The following DNMT3A variants were observed in gnomAD, a reference collection of about 807,000 sequenced individuals.
DNMT3A encodes the protein DNA (cytosine-5)-methyltransferase 3A.
DNMT3A carries 267 observed loss-of-function variants against 117.6 expected under a neutral mutation model. That is an observed-to-expected ratio of 2.27 (90% CI 2.05 to 2.51). The LOEUF (loss-of-function observed/expected upper bound fraction) is 2.51, where lower values mean the gene tolerates loss of function less well. Ranked by LOEUF, DNMT3A falls within the 30% of genes most tolerant of loss-of-function variation. The pLI is 0.00. For missense variants in DNMT3A, 1,029 were observed against 1,260.2 expected (o/e 0.82, Z 2.78); for synonymous variants, 432 against 474.8 (o/e 0.91, Z 1.17).
Position 25,337,395 on chromosome 2 carries a change from G to T in DNMT3A, c.-178+4431C>A, listed in dbSNP as rs563727664. On this transcript the variant is annotated intron_variant, in intron 1 of 22. Coordinates refer to ENST00000321117, the MANE Select transcript of DNMT3A (RefSeq NM_022552.5). This position sits in a 1 kb window ranked among gnomAD's most constrained non-coding sequence, Gnocchi z 5.0. ...AGACACAGCTAACAGGAGGGCTCCC[G>T]CTCCTCTAAGGCTGTAACGCACATG... 6.6e-6 allele frequency among the ~76,000 whole-genome samples: 1 copy of T among 152,168 alleles called. No individual in the cohort carries two copies. Among genetic ancestry groups the T allele is most frequent in the South Asian group, 2.1e-4 (1 of 4,834 alleles).
chr2:25,269,714 C>G (rs529152037), intron 6 of DNMT3A, among the ~76,000 whole-genome samples: 2 of 152,264 alleles, frequency 1.3e-5, no homozygotes, highest in South Asian at 4.1e-4. Flanking sequence ...GACTAGTAAG[C>G]AGGTGAAGGA....
chr2:25,246,065 C>CG lies in DNMT3A; in HGVS notation c.1430-2_1430-1insC. On this transcript the variant is annotated splice_acceptor_variant, in intron 11 of 22. Coordinates refer to ENST00000321117, the MANE Select transcript of DNMT3A (RefSeq NM_022552.5). LOFTEE classifies it high-confidence loss of function. Reference sequence around the variant, plus strand: ...TGCCGCACCTCGTACACCAGCCGCTCTGCAAGGGGAGGAGAGCTGGCGTCA... The same window carrying CG: ...TGCCGCACCTCGTACACCAGCCGCTCGTGCAAGGGGAGGAGAGCTGGCGTCA... 6.2e-7 allele frequency: 1 copy of CG among 1,614,208 alleles called. No homozygotes were observed. Among genetic ancestry groups the CG allele is most frequent in the Non-Finnish European group, 8.5e-7 (1 of 1,180,030 alleles).
At chr2:25,284,395 C>T (rs1227277330) in intron 3 of DNMT3A, among the ~76,000 whole-genome samples, 1 of 151,992 alleles carries the variant, frequency 6.6e-6, no homozygotes, top group African/African-American at 2.4e-5. Context: ...GCCTATAATC[C>T]TAGCACTTTG....
At chr2:25,308,205 T>C (rs2033888038) in intron 2 of DNMT3A, among the ~76,000 whole-genome samples, 1 of 152,034 alleles carries the variant, frequency 6.6e-6, no homozygotes, top group Admixed American at 6.6e-5. Flanking sequence ...GGTGGATGGG[T>C]AGGTAGATAT....
At position 25,231,461 on chromosome 2, in the gene DNMT3A, T is replaced by C. The variant is rs964484423; in HGVS notation, c.*2818A>G. ...CAGGACCAAGCACCCCAAAAAGGGGTGAGACCGGCCACCAGCTGTGTGAAT... is the reference window on the plus strand; with the variant it reads ...CAGGACCAAGCACCCCAAAAAGGGGCGAGACCGGCCACCAGCTGTGTGAAT... On this transcript the variant is annotated 3_prime_UTR_variant, in exon 23 of 23. Transcript: ENST00000321117. 2 of 152,112 alleles carry C rather than the reference T, an allele frequency of 1.3e-5. No homozygotes were observed. Among genetic ancestry groups the C allele is most frequent in the African/African-American group, 4.8e-5 (2 of 41,400 alleles). 9.4% of individuals were successfully genotyped at this position (152,112 alleles called of 1,614,324 possible).
In DNMT3A at chr2:25,337,304, T is replaced by A. The variant is rs1007385413; in HGVS notation, c.-178+4522A>T. On this transcript the variant is annotated intron_variant, in intron 1 of 22. Transcript: ENST00000321117. The surrounding 1 kb of genome is among the most constrained non-coding windows in gnomAD (Gnocchi z 5.0). Reference sequence around the variant, plus strand: ...AGATTCTGCAAAAGACACAGGAAGGTGGACGAGGCTTCTTAGAGCACTTCC... The same window carrying A: ...AGATTCTGCAAAAGACACAGGAAGGAGGACGAGGCTTCTTAGAGCACTTCC... Among the ~76,000 whole-genome samples, 23 of 152,166 alleles carry A rather than the reference T, an allele frequency of 1.5e-4. No individual in the cohort carries two copies. The highest frequency in any genetic ancestry group is 2.0e-4 in the Admixed American group (3 of 15,284).
intron 1 of DNMT3A, among the ~76,000 whole-genome samples, chr2:25,320,191 G>A (rs2034539835): frequency 6.6e-6 from 1 of 152,212 alleles, no homozygotes; most frequent in Non-Finnish European, 1.5e-5. Context: ...GAAAGTAATG[G>A]GAATTCCAAA....
In DNMT3A at chr2:25,300,184, C is replaced by T. The variant is rs759593211; in HGVS notation, c.132G>A (p.Thr44=). The stretch of plus-strand genomic sequence containing the variant: ...TCCCAGGCCGCCCCACCTTCCGTGC[C>T]GTGGTGCTGGGCTCTTGGCGCTCCT... ...GKEERQEPST[T]ARKVGRPGRK... Residue 44 remains threonine (T), a synonymous_variant, in exon 3 of 23, where the codon ACG becomes ACA. Coordinates refer to ENST00000321117, the MANE Select transcript of DNMT3A (RefSeq NM_022552.5). 8.7e-6 allele frequency: 14 copies of T among 1,612,816 alleles called. No individual in the cohort carries two copies. Among genetic ancestry groups the T allele is most frequent in the South Asian group, 3.3e-5 (3 of 91,078 alleles).
In DNMT3A at chr2:25,237,052, C is replaced by G; in HGVS notation, c.2409-47G>C. Reference sequence around the variant, plus strand: ...GTAACAACAGAAACCTGGATAACAGCGGGAAGGGCCCCAGCTGCACGACTC... The same window carrying G: ...GTAACAACAGAAACCTGGATAACAGGGGGAAGGGCCCCAGCTGCACGACTC... On this transcript the variant is annotated intron_variant, in intron 20 of 22. Coordinates refer to ENST00000321117, the MANE Select transcript of DNMT3A (RefSeq NM_022552.5). The surrounding 1 kb of genome is among the most constrained non-coding windows in gnomAD (Gnocchi z 5.4). 6 of 1,596,666 alleles carry G rather than the reference C, an allele frequency of 3.8e-6. No individual in the cohort carries two copies. The highest frequency in any genetic ancestry group is 5.1e-6 in the Non-Finnish European group (6 of 1,168,868).
chr2:25,248,857 G>T (rs1235212285), intron 6 of DNMT3A, among the ~76,000 whole-genome samples: 1 of 148,942 alleles, frequency 6.7e-6, no homozygotes, highest in Admixed American at 6.7e-5. Context: ...CTACGTTAAT[G>T]TTTTTTTTTT....
chr2:25,310,634 C>T (rs532105900), intron 2 of DNMT3A, among the ~76,000 whole-genome samples: 112 of 152,314 alleles, frequency 7.4e-4, no homozygotes, highest in Non-Finnish European at 1.3e-3. Flanking sequence ...TGGCTACTCT[C>T]ATTTTTCTTT....
At chr2:25,303,918 G>T (rs1213315787) in intron 2 of DNMT3A, among the ~76,000 whole-genome samples, 1 of 152,266 alleles carries the variant, frequency 6.6e-6, no homozygotes, top group Non-Finnish European at 1.5e-5. Context: ...CTGTCACGGG[G>T]TCTGTTTTAT....
In DNMT3A at chr2:25,240,416, G is replaced by A. The variant is rs142266509; in HGVS notation, c.2208C>T (p.Arg736=). 32 of 1,612,844 alleles carry A rather than the reference G, an allele frequency of 2.0e-5. No individual in the cohort carries two copies. Among genetic ancestry groups the A allele is most frequent in the Non-Finnish European group, 2.7e-5 (32 of 1,179,502 alleles). ...CCTTGGGCCGCGCATCATGCAGGAG[G>A]CGGTAGAACTCAAAGAAGAGCCGGC... is the stretch of plus-strand genomic sequence containing the variant. ...GTGRLFFEFY[R]LLHDARPKEG... is the part of the protein sequence containing the mutation. The change falls in exon 19 of 23, where the codon CGC becomes CGT. Residue 736 remains arginine, a synonymous_variant. Coordinates refer to ENST00000321117, the MANE Select transcript of DNMT3A (RefSeq NM_022552.5).
chr2:25,341,453 G>A (rs1056341446), intron 1 of DNMT3A, among the ~76,000 whole-genome samples: 8 of 145,678 alleles, frequency 5.5e-5, no homozygotes, highest in Non-Finnish European at 1.1e-4. Context: ...TGCGGCAGCG[G>A]CGAGCCGGGC....
Position 25,230,113 on chromosome 2 carries a change from C to G in DNMT3A, c.*4166G>C, listed in dbSNP as rs2149244787. ...CAAAAGCTAACAGGTCCCGGGTGCT[C>G]TCTTGGAAAGTTTGCTTTCCAATAG... On this transcript the variant is annotated 3_prime_UTR_variant, in exon 23 of 23. Transcript: ENST00000321117. 1 of 152,376 alleles carries G rather than the reference C, an allele frequency of 6.6e-6. No homozygotes were observed. The highest frequency in any genetic ancestry group is 1.5e-5 in the Non-Finnish European group (1 of 68,056). 9.4% of individuals were successfully genotyped at this position (152,376 alleles called of 1,614,324 possible).
rs534678865 is a variant in DNMT3A at position 25,302,507 on chromosome 2, G to A, written c.73-2264C>T. 1.3e-4 allele frequency among the ~76,000 whole-genome samples: 20 copies of A among 152,362 alleles called. No homozygotes were observed. The South Asian group carries it at 1.4e-3, about 11-fold the overall frequency. ...GGAGGGAGAGGCCAGCCCCGAGGCC[G>A]GAGATCCTTCAGGGGCTCTTTTCAG... is the stretch of plus-strand genomic sequence containing the variant. On this transcript the variant is annotated intron_variant, in intron 2 of 22. Coordinates refer to ENST00000321117, the MANE Select transcript of DNMT3A (RefSeq NM_022552.5).
At chr2:25,266,452 A>T (rs530883217) in intron 6 of DNMT3A, among the ~76,000 whole-genome samples, 1 of 115,134 alleles carries the variant, frequency 8.7e-6, no homozygotes, top group East Asian at 2.2e-4. Flanking sequence ...AGCCCAGGAG[A>T]TCACACCTTA....
At chr2:25,322,288 G>C (rs986869866) in intron 1 of DNMT3A, among the ~76,000 whole-genome samples, 1 of 152,092 alleles carries the variant, frequency 6.6e-6, no homozygotes, top group Non-Finnish European at 1.5e-5. Context: ...GCAGCCATCG[G>C]TTGCGTTTGG....
At chr2:25,332,249 G>A (rs1264800507) in intron 1 of DNMT3A, among the ~76,000 whole-genome samples, 2 of 152,024 alleles carry the variant, frequency 1.3e-5, no homozygotes, top group South Asian at 4.2e-4. Flanking sequence ...GTATCCCATC[G>A]TTCCCTACAC....
Sources: gnomAD v4.1 joint callset for allele counts (sites outside exome capture counted in the v4.1 genomes callset) on GRCh38, gnomAD v4.1.1 for gene constraint, Gnocchi (gnomAD v3.1) non-coding constraint, MANE v1.5 for transcripts, NCBI Gene and HGNC (gene_info 2026-07-23, HGNC 2026-07-21) for gene names.